The following LMNTD1 variants were observed in gnomAD, a reference collection of about 807,000 sequenced individuals.
The protein encoded by LMNTD1 is lamin tail domain containing 1.
In LMNTD1, 35 loss-of-function variants were observed where a neutral mutation model predicts 50.9. The observed-to-expected ratio is 0.69, with a 90% CI of 0.53 to 0.91. The LOEUF is 0.91. LMNTD1 is among the 40% of genes least tolerant of loss of function. The pLI is 0.00. For synonymous variants in LMNTD1, 153 were observed against 161.9 expected, an observed-to-expected ratio of 0.94 and a Z score of 0.42; for missense variants, 470 against 475.5, an observed-to-expected ratio of 0.99 and a Z score of 0.11.
intron 8 of LMNTD1, among the ~76,000 whole-genome samples, chr12:25,507,407 C>T (rs1198798784): frequency 6.6e-6 from 1 of 152,206 alleles, no homozygotes; most frequent in Non-Finnish European, 1.5e-5. Flanking sequence ...TTAAGGGAAA[C>T]TAAATCTTGA....
chr12:25,492,208 C>A (rs1384803706), intron 9 of LMNTD1, among the ~76,000 whole-genome samples: 1 of 152,212 alleles, frequency 6.6e-6, no homozygotes, highest in Non-Finnish European at 1.5e-5. Flanking sequence ...GAATATCCAT[C>A]AAGTTTTTAC....
At chr12:25,518,759 G>T (rs747946717) in intron 8 of LMNTD1, 36 bp downstream of exon 8, 4 of 1,593,686 alleles carry the variant, frequency 2.5e-6, no homozygotes, top group Admixed American at 1.7e-5. Flanking sequence ...GCACACACAC[G>T]CACTCTCCAC....
chr12:25,541,080 T>C (rs1943035018), intron 4 of LMNTD1, among the ~76,000 whole-genome samples: 2 of 92,550 alleles, frequency 2.2e-5, no homozygotes, highest in East Asian at 3.3e-4. Flanking sequence ...TAAAAGAGGA[T>C]ACAAACAAAT....
chr12:25,639,806 C>A (rs1235676744), intron 1 of LMNTD1, among the ~76,000 whole-genome samples: 1 of 152,092 alleles, frequency 6.6e-6, no homozygotes, highest in East Asian at 1.9e-4. Flanking sequence ...TAGATCTATA[C>A]ACAATAAATA....
intron 8 of LMNTD1, 123 bp from the exon 9 acceptor site, chr12:25,503,923 A>T (rs764608012): frequency 1.4e-5 from 8 of 557,658 alleles, no homozygotes; most frequent in Non-Finnish European, 2.5e-5. Context: ...TAAGCTAACA[A>T]CAAAAGGATT....
At chr12:25,648,451 G>C (rs1051942800) in intron 1 of LMNTD1, 5 of 1,500,298 alleles carry the variant, frequency 3.3e-6, no homozygotes, top group Non-Finnish European at 3.6e-6. Flanking sequence ...GGAAGCCAGC[G>C]AATTGCCTGA....
At chr12:25,626,510 G>C (rs1361226983) in intron 1 of LMNTD1, among the ~76,000 whole-genome samples, 1 of 152,138 alleles carries the variant, frequency 6.6e-6, no homozygotes, top group Non-Finnish European at 1.5e-5. Context: ...AGTAGGGATT[G>C]TTATGACTTT....
At chr12:25,498,748 G>C (rs569610573) in intron 9 of LMNTD1, among the ~76,000 whole-genome samples, 2 of 152,200 alleles carry the variant, frequency 1.3e-5, no homozygotes, top group South Asian at 4.2e-4. Flanking sequence ...TGACAGTAAA[G>C]TCCTAAGGAA....
intron 9 of LMNTD1, among the ~76,000 whole-genome samples, chr12:25,484,949 ATGC>A (rs1472080288): frequency 6.6e-6 from 1 of 151,652 alleles, no homozygotes; most frequent in Non-Finnish European, 1.5e-5. Context: ...ATTGTGAATA[ATGC>A]TGCAATAAAC....
At chr12:25,615,092 C>T (rs1165219387) in intron 1 of LMNTD1, among the ~76,000 whole-genome samples, 1 of 152,146 alleles carries the variant, frequency 6.6e-6, no homozygotes, top group East Asian at 1.9e-4. Context: ...TACAGGGGGG[C>T]ACAATCCAGC....
intron 1 of LMNTD1, among the ~76,000 whole-genome samples, chr12:25,623,069 A>G (rs933453133): frequency 6.6e-6 from 1 of 152,142 alleles, no homozygotes; most frequent in Non-Finnish European, 1.5e-5. Flanking sequence ...GCCAGAGGAA[A>G]AAAAATTAGA....
intron 1 of LMNTD1, among the ~76,000 whole-genome samples, chr12:25,558,602 G>A (rs1031509286): frequency 3.9e-5 from 6 of 152,096 alleles, no homozygotes; most frequent in Non-Finnish European, 7.4e-5. Flanking sequence ...AGACATATCC[G>A]ACACTGGGTA....
chr12:25,546,074 C>A (rs1943410551), intron 4 of LMNTD1, among the ~76,000 whole-genome samples: 1 of 151,554 alleles, frequency 6.6e-6, no homozygotes, highest in African/African-American at 2.4e-5. Flanking sequence ...TTAGATCCAT[C>A]TAAATAATTC....
intron 1 of LMNTD1, chr12:25,582,338 T>C (rs1945325738): frequency 6.6e-6 from 1 of 152,222 alleles, no homozygotes; most frequent in Non-Finnish European, 1.5e-5. Context: ...AAGCTTATCA[T>C]CCTATGATGT....
At chr12:25,495,298 A>G (rs966930602) in intron 9 of LMNTD1, among the ~76,000 whole-genome samples, 3 of 146,562 alleles carry the variant, frequency 2.0e-5, no homozygotes, top group Non-Finnish European at 4.5e-5. Context: ...AGGATAGTTT[A>G]AAATGCTTAT....
intron 1 of LMNTD1, among the ~76,000 whole-genome samples, chr12:25,577,849 G>A (rs1033060775): frequency 4.6e-5 from 7 of 152,060 alleles, no homozygotes; most frequent in South Asian, 2.1e-4. Context: ...TAGATTCTGC[G>A]CGTGTGAGGC....
At chr12:25,543,715 G>A (rs1236306781) in intron 4 of LMNTD1, among the ~76,000 whole-genome samples, 1 of 151,118 alleles carries the variant, frequency 6.6e-6, no homozygotes, top group Non-Finnish European at 1.5e-5. Context: ...CTTGATATAG[G>A]TATTTATTGC....
intron 3 of LMNTD1, chr12:25,547,239 T>C: frequency 2.2e-6 from 2 of 929,620 alleles, no homozygotes; most frequent in Non-Finnish European, 2.6e-6. Context: ...CAAAGACGCG[T>C]CGTGATGAAG....
At chr12:25,533,956 A>G (rs1322279008) in intron 4 of LMNTD1, among the ~76,000 whole-genome samples, 1 of 152,162 alleles carries the variant, frequency 6.6e-6, no homozygotes, top group Non-Finnish European at 1.5e-5. Flanking sequence ...TTGACTCTAG[A>G]CTTGTAGGAT....
Sources: gnomAD v4.1 joint callset for allele counts (sites outside exome capture counted in the v4.1 genomes callset) on GRCh38, gnomAD v4.1.1 for gene constraint, MANE v1.5 for transcripts, NCBI Gene and HGNC (gene_info 2026-07-23, HGNC 2026-07-21) for gene names.